The following SEMA5A variants were observed in gnomAD, a reference collection of about 807,000 sequenced individuals.
SEMA5A encodes semaphorin 5A, also known as semaphorin-5A.
In SEMA5A, 55 loss-of-function variants were observed where a neutral mutation model predicts 135.5. The ratio of observed to expected loss-of-function variants is 0.41; its 90% confidence interval spans 0.33 to 0.51. The LOEUF is 0.51. SEMA5A is among the 20% of genes least tolerant of loss of function. SEMA5A has a pLI of 0.37. For missense variants in SEMA5A, 1,290 were observed against 1,419.9 expected, an observed-to-expected ratio of 0.91 and a Z score of 1.47; for synonymous variants, 580 against 546.5, an observed-to-expected ratio of 1.06 and a Z score of -0.85.
At chr5:9,294,754 C>T (rs1042283542) in intron 5 of SEMA5A, among the ~76,000 whole-genome samples, 2 of 152,152 alleles carry the variant, frequency 1.3e-5, no homozygotes, top group Admixed American at 6.5e-5. Flanking sequence ...GCTTCCAAAC[C>T]AGCCAATAAT....
At chr5:9,309,632 C>A (rs981327692) in intron 5 of SEMA5A, among the ~76,000 whole-genome samples, 6 of 151,980 alleles carry the variant, frequency 3.9e-5, no homozygotes, top group Non-Finnish European at 7.4e-5. Flanking sequence ...TGGAACCAAG[C>A]CCCACAGACT....
intron 2 of SEMA5A, among the ~76,000 whole-genome samples, chr5:9,381,959 TGTGTGTGTGTGTGTGTGTGTGTGCGC>T (rs1187090019): frequency 1.6e-5 from 2 of 125,744 alleles, no homozygotes; most frequent in African/African-American, 3.4e-5. Context: ...TGTGTGTGTG[TGTGTGTGTGTGTGTGTGTGTGTGCGC>T]GCGCGCGCAC....
At chr5:9,425,111 A>G (rs375312341) in intron 2 of SEMA5A, among the ~76,000 whole-genome samples, 27 of 152,198 alleles carry the variant, frequency 1.8e-4, no homozygotes, top group African/African-American at 6.3e-4. Context: ...TGTGGTCTCA[A>G]TTCACACCAC....
chr5:9,303,119 A>ATT (rs527501004), intron 5 of SEMA5A, among the ~76,000 whole-genome samples: 292 of 142,856 alleles, frequency 2.0e-3, no homozygotes, highest in Middle Eastern at 3.7e-3. Context: ...TATATATATA[A>ATT]TTTTTTTTTT....
chr5:9,159,378 G>A (rs578209100), intron 11 of SEMA5A, among the ~76,000 whole-genome samples: 5 of 152,160 alleles, frequency 3.3e-5, no homozygotes, highest in African/African-American at 7.2e-5. Flanking sequence ...TTTTCTATCC[G>A]CTCTTCTAGA....
At position 9,521,397 on chromosome 5, in the gene SEMA5A, G is replaced by A. The variant is rs191088764; in HGVS notation, c.-175+24187C>T. ...TGCATTCCAGCCTGGGCAACAGAGTGAGATACTGTCTTAAAAAAATAAAAA... is the reference window on the plus strand; with the variant it reads ...TGCATTCCAGCCTGGGCAACAGAGTAAGATACTGTCTTAAAAAAATAAAAA... On this transcript the variant is annotated intron_variant, in intron 1 of 22. Transcript: ENST00000382496. Among the ~76,000 whole-genome samples the A allele has an allele frequency of 6.6e-5, 10 of 152,248 alleles. No individual in the cohort carries two copies. The East Asian group carries it at 1.9e-3, about 29-fold the overall frequency.
chr5:9,084,616 G>T (rs1450940952), intron 16 of SEMA5A, among the ~76,000 whole-genome samples: 2 of 152,164 alleles, frequency 1.3e-5, no homozygotes, highest in Non-Finnish European at 2.9e-5. Context: ...CCATAATTGT[G>T]AGGCCTCCCC....
rs761664666 is a variant in SEMA5A, at chr5:9,066,446, G to C, written c.2274C>G (p.Asp758Glu). 6 of 1,614,216 alleles carry C rather than the reference G, an allele frequency of 3.7e-6. No homozygotes were observed. Among genetic ancestry groups the C allele is most frequent in the Non-Finnish European group, 5.1e-6 (6 of 1,180,026 alleles). The stretch of plus-strand genomic sequence containing the variant: ...CATCTGTGGAGCAGCCACTGGTGCC[G>C]TCGCTAGAACAGTACCGCATTTCGA... ...QRIEMRYCSS[D>E]GTSGCSTDGL... Residue 758 changes from aspartate to glutamate, a missense_variant, in exon 17 of 23, where the codon GAC becomes GAG. This residue lies in a region of SEMA5A where 1,029 missense variants were observed against 1,086.6 expected (regional missense o/e 0.95). Coordinates refer to ENST00000382496, the MANE Select transcript of SEMA5A (RefSeq NM_003966.3).
At chr5:9,248,844 G>C (rs574576966) in intron 5 of SEMA5A, among the ~76,000 whole-genome samples, 2 of 152,232 alleles carry the variant, frequency 1.3e-5, no homozygotes, top group African/African-American at 2.4e-5. Context: ...TGGCCCGGGG[G>C]ACCCCTTTAT....
At chr5:9,403,145 C>A (rs1050248784) in intron 2 of SEMA5A, among the ~76,000 whole-genome samples, 2 of 152,278 alleles carry the variant, frequency 1.3e-5, no homozygotes, top group Middle Eastern at 6.8e-3. Context: ...GTGTTAATTA[C>A]CCTCTGTCAT....
intron 18 of SEMA5A, among the ~76,000 whole-genome samples, chr5:9,054,719 C>G (rs552501615): frequency 3.9e-5 from 6 of 152,254 alleles, no homozygotes; most frequent in Non-Finnish European, 8.8e-5. Context: ...GTTCAAGTCA[C>G]GAGCTCCTTT....
intron 5 of SEMA5A, among the ~76,000 whole-genome samples, chr5:9,240,434 A>G (rs891510735): frequency 1.3e-5 from 2 of 152,036 alleles, no homozygotes; most frequent in Non-Finnish European, 2.9e-5. Flanking sequence ...GAAAAGGAAT[A>G]GAATGGAGAA....
At chr5:9,269,150 A>C (rs529091569) in intron 5 of SEMA5A, among the ~76,000 whole-genome samples, 1 of 152,036 alleles carries the variant, frequency 6.6e-6, no homozygotes. Context: ...CATGCCTCTA[A>C]TTTGTCATCA....
chr5:9,352,203 C>T (rs915539940), intron 3 of SEMA5A, among the ~76,000 whole-genome samples: 3 of 151,998 alleles, frequency 2.0e-5, no homozygotes, highest in Non-Finnish European at 2.9e-5. Flanking sequence ...CATATCAAAG[C>T]AGCATGCAGT....
chr5:9,316,456 C>G (rs568155019), intron 5 of SEMA5A, among the ~76,000 whole-genome samples: 5 of 152,100 alleles, frequency 3.3e-5, no homozygotes, highest in Non-Finnish European at 7.3e-5. Context: ...GAAATGAATG[C>G]GTATATGTAA....
In SEMA5A at chr5:9,342,753, T is replaced by G. The variant is rs141484711; in HGVS notation, c.125-4941A>C. 4.8e-3 allele frequency among the ~76,000 whole-genome samples: 737 copies of G among 152,320 alleles called. 7 individuals carry two copies. Among genetic ancestry groups the G allele is most frequent in the African/African-American group, 0.017 (699 of 41,566 alleles). The stretch of plus-strand genomic sequence containing the variant: ...TGTTTAAATAGTAGGTTCTATCTTA[T>G]CCACTTTATAACTATTAATTCCTGT... On this transcript the variant is annotated intron_variant, in intron 3 of 22. Coordinates refer to ENST00000382496, the MANE Select transcript of SEMA5A (RefSeq NM_003966.3).
intron 1 of SEMA5A, among the ~76,000 whole-genome samples, chr5:9,531,117 G>A (rs1041363361): frequency 6.6e-6 from 1 of 152,146 alleles, no homozygotes; most frequent in African/African-American, 2.4e-5. Flanking sequence ...AGCATCTTGC[G>A]TGGGAGTCCT....
chr5:9,365,684 T>C (rs557219627), intron 3 of SEMA5A, among the ~76,000 whole-genome samples: 29 of 152,284 alleles, frequency 1.9e-4, no homozygotes, highest in African/African-American at 6.3e-4. Flanking sequence ...CAATTACACC[T>C]AGAGGCAGCC....
chr5:9,053,584 A>T (rs1736713534), intron 19 of SEMA5A, among the ~76,000 whole-genome samples: 1 of 152,138 alleles, frequency 6.6e-6, no homozygotes, highest in Non-Finnish European at 1.5e-5. Flanking sequence ...TTTGGAAGAC[A>T]TGTGGCTGCA....
Sources: gnomAD v4.1 joint callset for allele counts (sites outside exome capture counted in the v4.1 genomes callset) on GRCh38, gnomAD v4.1.1 for gene constraint, gnomAD v4.1.1 regional missense constraint, MANE v1.5 for transcripts, NCBI Gene and HGNC (gene_info 2026-07-23, HGNC 2026-07-21) for gene names.